The following INPP4B variants were observed in gnomAD, a reference collection of about 807,000 sequenced individuals.
INPP4B encodes inositol polyphosphate-4-phosphatase type II B, also known as inositol polyphosphate 4-phosphatase type II.
INPP4B carries 55 observed loss-of-function variants against 122.5 expected under a neutral mutation model. That is an observed-to-expected ratio of 0.45 (90% confidence interval 0.36 to 0.56). The LOEUF (loss-of-function observed/expected upper bound fraction) is 0.56. Among genes scored for constraint, INPP4B ranks in the 20% least tolerant of loss-of-function variants. INPP4B has a pLI of 0.00. For missense variants in INPP4B, 1,000 were observed against 1,097.7 expected (o/e 0.91, Z 1.26); for synonymous variants, 403 against 388.7 (o/e 1.04, Z -0.43).
At chr4:142,744,019 A>G (rs1483756595) in intron 1 of INPP4B, among the ~76,000 whole-genome samples, 1 of 152,036 alleles carries the variant, frequency 6.6e-6, no homozygotes, top group East Asian at 1.9e-4. Flanking sequence ...CTTTAAATCA[A>G]CTATTTAAAC....
intron 2 of INPP4B, among the ~76,000 whole-genome samples, chr4:142,623,430 A>G (rs1486639769): frequency 6.6e-6 from 1 of 151,800 alleles, no homozygotes; most frequent in Non-Finnish European, 1.5e-5. Context: ...CAATATCTTC[A>G]TACCTTTCTA....
At chr4:142,719,775 C>A (rs1764268064) in intron 2 of INPP4B, among the ~76,000 whole-genome samples, 1 of 152,122 alleles carries the variant, frequency 6.6e-6, no homozygotes, top group Non-Finnish European at 1.5e-5. Context: ...TCATAATACT[C>A]TATGGCATCT....
chr4:142,367,194 G>A (rs1787863759), intron 7 of INPP4B, among the ~76,000 whole-genome samples: 1 of 137,504 alleles, frequency 7.3e-6, no homozygotes, highest in Non-Finnish European at 1.5e-5. Context: ...TAATATGTGT[G>A]TGTGTGTGTG....
At chr4:142,103,755 C>G (rs899783233) in intron 23 of INPP4B, among the ~76,000 whole-genome samples, 1 of 151,950 alleles carries the variant, frequency 6.6e-6, no homozygotes, top group East Asian at 1.9e-4. Context: ...ATTATCTCCA[C>G]CAATATCTGC....
At chr4:142,327,315 G>A (rs111642815) in intron 7 of INPP4B, among the ~76,000 whole-genome samples, 2,054 of 152,086 alleles carry the variant, frequency 0.014, 55 homozygotes, top group African/African-American at 0.046. Flanking sequence ...ATCGTGATAC[G>A]GCTTATGTAT....
intron 3 of INPP4B, among the ~76,000 whole-genome samples, chr4:142,457,686 A>C (rs1815757752): frequency 6.6e-6 from 1 of 152,200 alleles, no homozygotes; most frequent in Non-Finnish European, 1.5e-5. Flanking sequence ...CAATGTATGG[A>C]TCTCTCATAC....
At chr4:142,649,335 T>A (rs540498595) in intron 2 of INPP4B, among the ~76,000 whole-genome samples, 1 of 152,314 alleles carries the variant, frequency 6.6e-6, no homozygotes, top group South Asian at 2.1e-4. Context: ...TCTCAGCTCC[T>A]TGCCAGCAAT....
In INPP4B at chr4:142,027,065, TAAAG is replaced by T. The variant is rs1284481363; in HGVS notation, c.*1713_*1716del. The T allele has an allele frequency of 1.3e-5, 2 of 152,092 alleles. No individual in the cohort carries two copies. The highest frequency in any genetic ancestry group is 2.9e-5 in the Non-Finnish European group (2 of 68,008). The allele number at this position is 152,092 out of a possible 1,614,324, so 9.4% of individuals were successfully genotyped here. ...CAAAGGTTGTATTTAATCACTAAAA[TAAAG>T]AATGAGTTAAGAGAACATCAAGGTA... On this transcript the variant is annotated 3_prime_UTR_variant, in exon 26 of 26. Transcript: ENST00000262992.
intron 2 of INPP4B, among the ~76,000 whole-genome samples, chr4:142,495,998 T>C (rs909615962): frequency 2.0e-5 from 3 of 152,170 alleles, no homozygotes; most frequent in African/African-American, 4.8e-5. Context: ...TCTGAACTTT[T>C]AGTGCATCTA....
intron 2 of INPP4B, among the ~76,000 whole-genome samples, chr4:142,533,634 C>T (rs1827870998): frequency 6.6e-6 from 1 of 151,836 alleles, no homozygotes; most frequent in Non-Finnish European, 1.5e-5. Context: ...AAAAACAGTT[C>T]GAGATTCAGG....
At chr4:142,726,584 G>T (rs941510896) in intron 1 of INPP4B, among the ~76,000 whole-genome samples, 3 of 152,260 alleles carry the variant, frequency 2.0e-5, no homozygotes, top group South Asian at 2.1e-4. Context: ...TTATCTAAAT[G>T]TTCAGATTGG....
chr4:142,694,513 A>C (rs1760744982), intron 2 of INPP4B, among the ~76,000 whole-genome samples: 1 of 152,180 alleles, frequency 6.6e-6, no homozygotes, highest in South Asian at 2.1e-4. Flanking sequence ...TCCAAATTAG[A>C]CATTTGGTCA....
intron 2 of INPP4B, among the ~76,000 whole-genome samples, chr4:142,645,683 G>A (rs567838954): frequency 2.0e-5 from 3 of 152,196 alleles, no homozygotes; most frequent in Non-Finnish European, 4.4e-5. Context: ...AGGAGTCTGA[G>A]TTCCTGCCAT....
chr4:142,065,762 G>C (rs948655363), intron 25 of INPP4B, among the ~76,000 whole-genome samples: 1 of 152,086 alleles, frequency 6.6e-6, no homozygotes, highest in Admixed American at 6.6e-5. Context: ...GTAGTGATAG[G>C]TGTACAACTC....
At chr4:142,393,280 G>A (rs894758583) in intron 7 of INPP4B, among the ~76,000 whole-genome samples, 1 of 152,104 alleles carries the variant, frequency 6.6e-6, no homozygotes, top group Non-Finnish European at 1.5e-5. Flanking sequence ...TTTGGACTGA[G>A]TTCATGCACT....
chr4:142,338,242 T>A (rs1777504194), intron 7 of INPP4B, among the ~76,000 whole-genome samples: 1 of 152,130 alleles, frequency 6.6e-6, no homozygotes, highest in Non-Finnish European at 1.5e-5. Context: ...AACTTTATTT[T>A]ATTTTATTTT....
intron 9 of INPP4B, among the ~76,000 whole-genome samples, chr4:142,278,739 A>G (rs1320513444): frequency 6.6e-6 from 1 of 151,918 alleles, no homozygotes; most frequent in Non-Finnish European, 1.5e-5. Context: ...TATGGAGGAG[A>G]TTGTGGAGAG....
chr4:142,724,524 A>G (rs1765098297), intron 2 of INPP4B, among the ~76,000 whole-genome samples: 1 of 152,156 alleles, frequency 6.6e-6, no homozygotes, highest in Non-Finnish European at 1.5e-5. Context: ...TTGTCTAGGA[A>G]TTTGTTCTCT....
chr4:142,482,538 C>T (rs941383872), intron 2 of INPP4B, among the ~76,000 whole-genome samples: 11 of 152,238 alleles, frequency 7.2e-5, no homozygotes, highest in African/African-American at 9.6e-5. Flanking sequence ...AGAACTTCAA[C>T]GCTAAATATT....
Sources: allele counts gnomAD v4.1 joint callset (sites outside exome capture counted in the v4.1 genomes callset), GRCh38; gene constraint gnomAD v4.1.1; transcripts MANE v1.5; gene names NCBI Gene and HGNC (gene_info 2026-07-23, HGNC 2026-07-21).